Variants in FILIP1L observed in about 807,000 individuals in gnomAD.
The protein encoded by FILIP1L is filamin A-interacting protein 1-like.
In FILIP1L, 55 loss-of-function variants were observed where a neutral mutation model predicts 96.6. The ratio of observed to expected loss-of-function variants is 0.57; its 90% CI spans 0.46 to 0.71. FILIP1L has a LOEUF of 0.71. Among genes scored for constraint, FILIP1L ranks in the 30% least tolerant of loss-of-function variants. FILIP1L has a pLI of 0.00. For missense variants in FILIP1L, 1,304 were observed against 1,321.2 expected (o/e 0.99, Z 0.20); for synonymous variants, 467 against 473.9 (o/e 0.99, Z 0.19).
intron 4 of FILIP1L, among the ~76,000 whole-genome samples, chr3:99,859,823 TTCTATGGGACTTTTCACTGTTTAG>T (rs1294391541): frequency 6.6e-6 from 1 of 152,188 alleles, no homozygotes; most frequent in Non-Finnish European, 1.5e-5. Context: ...TCCCTGCTTT[TTCTATGGGACTTTTCACTGTTTAG>T]TCTAAATTTT....
rs747188276 is a variant in FILIP1L, at chr3:99,848,526, A to T, written c.3150T>A (p.Asn1050Lys). 4.8e-5 allele frequency: 77 copies of T among 1,614,172 alleles called. No individual in the cohort carries two copies. Among genetic ancestry groups the T allele is most frequent in the Non-Finnish European group, 6.2e-5 (73 of 1,180,022 alleles). The change falls in exon 5 of 6, where the codon AAT becomes AAA. Residue 1050 changes from asparagine (N) to lysine (K), a missense_variant. Transcript: ENST00000477258. ...SSWQFQRSNS[N>K]SSSVITTEDN... The stretch of plus-strand genomic sequence containing the variant: ...CCTCAGTAGTTATCACACTTGAGCT[A>T]TTGCTGTTTGAACGCTGAAACTGCC...
rs529299629 is a variant in FILIP1L, at chr3:99,961,241, C to T, written c.-10-30211G>A. On this transcript the variant is annotated intron_variant, in intron 1 of 5. Transcript: ENST00000477258. Reference sequence around the variant, plus strand: ...CGAGGGGATCCGGACTTGCCTCTTGCAGGTGTTATCCCCTGTGTTGGAATG... The same window carrying T: ...CGAGGGGATCCGGACTTGCCTCTTGTAGGTGTTATCCCCTGTGTTGGAATG... Among the ~76,000 whole-genome samples, 267 of 152,270 alleles carry T rather than the reference C, an allele frequency of 1.8e-3. 1 individual carries two copies. The highest frequency in any genetic ancestry group is 6.1e-3 in the African/African-American group (255 of 41,548).
At chr3:99,947,354 T>A (rs891804740) in intron 1 of FILIP1L, among the ~76,000 whole-genome samples, 2 of 152,194 alleles carry the variant, frequency 1.3e-5, no homozygotes, top group African/African-American at 4.8e-5. Context: ...TTCCATACCA[T>A]GATATTTGAT....
intron 1 of FILIP1L, among the ~76,000 whole-genome samples, chr3:100,030,962 T>C (rs1457935106): frequency 2.0e-5 from 3 of 152,198 alleles, no homozygotes; most frequent in African/African-American, 4.8e-5. Context: ...CTATGAGATA[T>C]GAAGTCTGAT....
intron 1 of FILIP1L, among the ~76,000 whole-genome samples, chr3:99,960,236 T>C (rs1708451873): frequency 6.6e-6 from 1 of 152,076 alleles, no homozygotes; most frequent in Non-Finnish European, 1.5e-5. Flanking sequence ...CTAGTTAGAG[T>C]AGCCACCTTT....
intron 5 of FILIP1L, among the ~76,000 whole-genome samples, chr3:99,843,489 A>C (rs923542657): frequency 3.3e-5 from 5 of 152,216 alleles, no homozygotes; most frequent in Admixed American, 2.0e-4. Flanking sequence ...GAGAGGGACT[A>C]TGGTCAGAAT....
chr3:100,014,883 TTTTCTTTC>T (rs1576642166), intron 1 of FILIP1L, among the ~76,000 whole-genome samples: 2 of 125,310 alleles, frequency 1.6e-5, no homozygotes, highest in Admixed American at 8.4e-5. Flanking sequence ...TCTTTTTTTT[TTTTCTTTC>T]TTTCTTTTTT....
chr3:99,971,947 G>C (rs993795677), intron 1 of FILIP1L, among the ~76,000 whole-genome samples: 1 of 152,208 alleles, frequency 6.6e-6, no homozygotes, highest in Non-Finnish European at 1.5e-5. Flanking sequence ...GATATATGTA[G>C]TCTTGTTGGG....
At chr3:99,975,746 C>G (rs1045990763) in intron 1 of FILIP1L, among the ~76,000 whole-genome samples, 1 of 152,176 alleles carries the variant, frequency 6.6e-6, no homozygotes, top group African/African-American at 2.4e-5. Flanking sequence ...ATACTCATAT[C>G]AAGGTCATTC....
chr3:99,854,582 A>G (rs1045739231), intron 4 of FILIP1L, among the ~76,000 whole-genome samples: 4 of 152,180 alleles, frequency 2.6e-5, no homozygotes, highest in Admixed American at 6.5e-5. Context: ...TTGGGGCCAG[A>G]TAATTTGTTC....
At chr3:100,107,211 C>T (rs2107468971) in intron 1 of FILIP1L, among the ~76,000 whole-genome samples, 1 of 152,166 alleles carries the variant, frequency 6.6e-6, no homozygotes, top group Non-Finnish European at 1.5e-5. Context: ...ACTGAAATTG[C>T]CTTTTAAAGA....
intron 1 of FILIP1L, among the ~76,000 whole-genome samples, chr3:100,080,241 C>T (rs1265188889): frequency 1.3e-5 from 2 of 152,094 alleles, no homozygotes; most frequent in African/African-American, 4.8e-5. Context: ...CCTTGGCCTC[C>T]CAAAGTATTG....
chr3:99,984,538 G>C (rs756322817), intron 1 of FILIP1L, among the ~76,000 whole-genome samples: 1 of 152,072 alleles, frequency 6.6e-6, no homozygotes, highest in Admixed American at 6.6e-5. Context: ...CTAGCCCCTG[G>C]TCACTGAAAC....
intron 1 of FILIP1L, among the ~76,000 whole-genome samples, chr3:100,108,612 A>C (rs989357546): frequency 6.6e-6 from 1 of 152,180 alleles, no homozygotes; most frequent in Admixed American, 6.5e-5. Context: ...TCCTCACTGT[A>C]TTCTAGTGGT....
At chr3:100,036,163 A>C (rs1380428013) in intron 1 of FILIP1L, among the ~76,000 whole-genome samples, 1 of 152,172 alleles carries the variant, frequency 6.6e-6, no homozygotes, top group Non-Finnish European at 1.5e-5. Flanking sequence ...GGCATGAAAA[A>C]TTTCCTAGCT....
intron 4 of FILIP1L, among the ~76,000 whole-genome samples, chr3:99,892,555 C>G (rs1269790695): frequency 1.3e-5 from 2 of 152,198 alleles, no homozygotes; most frequent in Non-Finnish European, 2.9e-5. Flanking sequence ...GCTTTGATCT[C>G]TTCCCTTTGA....
chr3:100,068,742 C>T (rs1347309012), intron 1 of FILIP1L, among the ~76,000 whole-genome samples: 1 of 152,206 alleles, frequency 6.6e-6, no homozygotes, highest in African/African-American at 2.4e-5. Context: ...ATTTTCCTGC[C>T]TCAGCCTCCC....
intron 1 of FILIP1L, among the ~76,000 whole-genome samples, chr3:100,094,452 A>T (rs1056386303): frequency 6.6e-6 from 1 of 152,026 alleles, no homozygotes; most frequent in Non-Finnish European, 1.5e-5. Context: ...TAACTTATCA[A>T]TTTTTTTATG....
chr3:100,007,017 TACTG>T (rs1375515807), intron 1 of FILIP1L, among the ~76,000 whole-genome samples: 1 of 152,240 alleles, frequency 6.6e-6, no homozygotes, highest in African/African-American at 2.4e-5. Flanking sequence ...TTTCATTACT[TACTG>T]GCTTTCTTAG....
Sources: gnomAD v4.1 joint callset for allele counts (sites outside exome capture counted in the v4.1 genomes callset) on GRCh38, gnomAD v4.1.1 for gene constraint, MANE v1.5 for transcripts, NCBI Gene and HGNC (gene_info 2026-07-23, HGNC 2026-07-21) for gene names.